The following HELLS variants were observed in gnomAD, a reference collection of about 807,000 sequenced individuals.
HELLS encodes helicase, lymphoid specific.
In HELLS, 32 loss-of-function variants were observed where a neutral mutation model predicts 120.0. The ratio of observed to expected loss-of-function variants is 0.27; its 90% CI spans 0.20 to 0.36. The LOEUF (loss-of-function observed/expected upper bound fraction) is 0.36, where lower values mean the gene tolerates loss of function less well. Among genes scored for constraint, HELLS ranks in the 10% least tolerant of loss-of-function variants. The pLI, the probability that HELLS is intolerant of heterozygous loss-of-function variation, is 1.00. For missense variants in HELLS, 650 were observed against 993.4 expected, an observed-to-expected ratio of 0.65 and a Z score of 4.65; for synonymous variants, 341 against 323.4, an observed-to-expected ratio of 1.05 and a Z score of -0.58.
At chr10:94,578,041 G>T (rs1844600816) in intron 10 of HELLS, among the ~76,000 whole-genome samples, 1 of 144,508 alleles carries the variant, frequency 6.9e-6, no homozygotes, top group East Asian at 2.0e-4. Context: ...CCGCAGTCCG[G>T]CCTGGGCCGA....
rs1397398397 is a variant in HELLS, at chr10:94,596,373, A to G, written c.2249-487A>G. 2.0e-5 allele frequency among the ~76,000 whole-genome samples: 3 copies of G among 152,144 alleles called. No homozygotes were observed. The South Asian group carries it at 6.2e-4, about 31-fold the overall frequency. On this transcript the variant is annotated intron_variant, in intron 19 of 21. Transcript: ENST00000348459. ...TAATTCCTATGCTCCCCTTACCATC[A>G]CTAGGAAGCATCCAGTATTCTGATT...
At chr10:94,555,493 A>T (rs1002479365) in intron 3 of HELLS, among the ~76,000 whole-genome samples, 1 of 152,210 alleles carries the variant, frequency 6.6e-6, no homozygotes, top group South Asian at 2.1e-4. Context: ...GAACTTCTGG[A>T]TAGCTGAACA....
rs565842635 is a variant in HELLS at position 94,594,954 on chromosome 10, G to T, written c.2248+100G>T. 2.3e-4 allele frequency: 201 copies of T among 888,490 alleles called. 2 individuals carry two copies. The South Asian group carries it at 3.4e-3, about 15-fold the overall frequency. The allele number at this position is 888,490 out of a possible 1,614,324, so 55.0% of individuals were successfully genotyped here. A position where few individuals can be genotyped will look rare whatever the true frequency, so the allele number is the denominator to read the frequency against. On this transcript the variant is annotated intron_variant, in intron 19 of 21. Transcript: ENST00000348459. ...TATAAAATATTACAGCCTGGGCCGA[G>T]TTCTGTGTCTCACACCTGTAATCCT...
rs182731400 is a variant in HELLS at position 94,565,563 on chromosome 10, C to G, written c.435+2687C>G. 3.2e-3 allele frequency among the ~76,000 whole-genome samples: 489 copies of G among 151,372 alleles called. 1 individual carries two copies. Among genetic ancestry groups the G allele is most frequent in the Middle Eastern group, 0.024 (7 of 288 alleles). On this transcript the variant is annotated intron_variant, in intron 6 of 21. Transcript: ENST00000348459. ...AATTAGCTGGGCTTGGTGGCACATG[C>G]CTGTAATTCCAGCTACTTGGGCAGG...
At chr10:94,555,275 A>G (rs1843195279) in intron 3 of HELLS, among the ~76,000 whole-genome samples, 1 of 152,102 alleles carries the variant, frequency 6.6e-6, no homozygotes. Context: ...CGTCTCTACC[A>G]AAAATATAAA....
intron 18 of HELLS, among the ~76,000 whole-genome samples, chr10:94,593,958 G>A (rs759761567): frequency 6.8e-5 from 10 of 147,694 alleles, no homozygotes; most frequent in Non-Finnish European, 1.5e-4. Flanking sequence ...ACCACACCCA[G>A]CCTCCATTCT....
intron 10 of HELLS, among the ~76,000 whole-genome samples, chr10:94,579,233 C>A (rs1429905242): frequency 1.5e-5 from 2 of 135,110 alleles, no homozygotes. Flanking sequence ...CAGAGTCTTG[C>A]TCTGTTGCCC....
chr10:94,562,898 C>G, intron 6 of HELLS, 22 bp downstream of exon 6: 1 of 1,428,394 alleles, frequency 7.0e-7, no homozygotes, highest in South Asian at 1.2e-5. Flanking sequence ...AGGGAGAGGG[C>G]ACCTAACATT....
At position 94,576,810 on chromosome 10, in the gene HELLS, A is replaced by G; in HGVS notation, c.1032+5A>G. 6.3e-7 allele frequency: 1 copy of G among 1,594,022 alleles called. No homozygotes were observed. Among genetic ancestry groups the G allele is most frequent in the African/African-American group, 1.3e-5 (1 of 74,082 alleles). On this transcript the variant is annotated splice_donor_5th_base_variant and intron_variant, in intron 10 of 21. Transcript: ENST00000348459. ...AGAGACCGAAATGCGTTACAGGTACAAATGATCTTCATTGGTTTCTTTGTA... is the reference window on the plus strand; with the variant it reads ...AGAGACCGAAATGCGTTACAGGTACGAATGATCTTCATTGGTTTCTTTGTA...
In HELLS at chr10:94,559,304, T is replaced by A. The variant is rs190826570; in HGVS notation, c.333+1109T>A. ...TTGCTGTTAAAATGGCCCCCAACTA[T>A]TGTACCAAAGTGCTGTCTAGTGTTT... On this transcript the variant is annotated intron_variant, in intron 4 of 21. Coordinates refer to ENST00000348459, the MANE Select transcript of HELLS (RefSeq NM_018063.5). Among the ~76,000 whole-genome samples the A allele has an allele frequency of 5.5e-3, 833 of 152,270 alleles. 9 individuals carry two copies. Among genetic ancestry groups the A allele is most frequent in the Middle Eastern group, 0.024 (7 of 294 alleles).
At chr10:94,589,556 C>A (rs1290757270) in intron 13 of HELLS, among the ~76,000 whole-genome samples, 1 of 151,980 alleles carries the variant, frequency 6.6e-6, no homozygotes, top group East Asian at 1.9e-4. Context: ...TGAAGGAGAC[C>A]CTTAAGTTTT....
Position 94,558,119 on chromosome 10 carries a change from A to G in HELLS, c.277-20A>G, listed in dbSNP as rs373528769. On this transcript the variant is annotated intron_variant, in intron 3 of 21. Coordinates refer to ENST00000348459, the MANE Select transcript of HELLS (RefSeq NM_018063.5). ...ATGTTGCACTTTCCACTTGTGACAT[A>G]AGAAAAAATTGTCTTACAGGAACAG... 1.0e-5 allele frequency: 16 copies of G among 1,558,098 alleles called. No individual in the cohort carries two copies. The highest frequency in any genetic ancestry group is 6.8e-5 in the Admixed American group (3 of 43,980).
intron 10 of HELLS, among the ~76,000 whole-genome samples, chr10:94,580,857 T>C (rs1844834009): frequency 1.3e-5 from 2 of 152,208 alleles, no homozygotes. Flanking sequence ...AACAATTTCC[T>C]TGATAACTTT....
intron 10 of HELLS, among the ~76,000 whole-genome samples, chr10:94,579,679 C>T (rs1234081523): frequency 2.0e-5 from 3 of 151,790 alleles, no homozygotes; most frequent in Admixed American, 6.6e-5. Flanking sequence ...GTAGCCGGGA[C>T]TACAGGCGTC....
chr10:94,590,402 T>C lies in HELLS; in HGVS notation c.1489-11T>C, dbSNP rs369935670. On this transcript the variant is annotated splice_polypyrimidine_tract_variant and intron_variant, in intron 13 of 21. Coordinates refer to ENST00000348459, the MANE Select transcript of HELLS (RefSeq NM_018063.5). Reference sequence around the variant, plus strand: ...TATAAACTGAATTTCTTTTAATTCGTTCCCTTTTAGAAAGAAACAATTGAG... The same window carrying C: ...TATAAACTGAATTTCTTTTAATTCGCTCCCTTTTAGAAAGAAACAATTGAG... The C allele has an allele frequency of 1.5e-5, 24 of 1,589,626 alleles. No individual in the cohort carries two copies. The East Asian group carries it at 2.9e-4, about 19-fold the overall frequency.
At chr10:94,585,116 A>G (rs1845057597) in intron 12 of HELLS, among the ~76,000 whole-genome samples, 1 of 151,790 alleles carries the variant, frequency 6.6e-6, no homozygotes. Context: ...AATTTTTTTT[A>G]CTTTCCGTTT....
chr10:94,606,512 A>C (rs533324765), downstream of HELLS, among the ~76,000 whole-genome samples: 1 of 139,370 alleles, frequency 7.2e-6, no homozygotes, highest in Admixed American at 7.1e-5. Flanking sequence ...CAGATAATTT[A>C]AAAAAAAAAA....
Position 94,581,535 on chromosome 10 carries a change from G to A in HELLS, c.1229+13G>A, listed in dbSNP as rs1468789015. On this transcript the variant is annotated intron_variant, in intron 11 of 21. Coordinates refer to ENST00000348459, the MANE Select transcript of HELLS (RefSeq NM_018063.5). Reference sequence around the variant, plus strand: ...ATGACTTGAAAAGGTGGGTAAGCCAGTTATTTAATGATTTAACCTCAAAAA... The same window carrying A: ...ATGACTTGAAAAGGTGGGTAAGCCAATTATTTAATGATTTAACCTCAAAAA... 1.3e-6 allele frequency: 2 copies of A among 1,565,264 alleles called. No homozygotes were observed. The highest frequency in any genetic ancestry group is 1.7e-6 in the Non-Finnish European group (2 of 1,152,216).
At chr10:94,571,116 C>T (rs1483306420) in intron 6 of HELLS, 1 of 264,372 alleles carries the variant, frequency 3.8e-6, no homozygotes, top group Admixed American at 5.6e-5. Flanking sequence ...TGTACTTAAT[C>T]TACTCAGATT....
Sources: allele counts gnomAD v4.1 joint callset (sites outside exome capture counted in the v4.1 genomes callset), GRCh38; gene constraint gnomAD v4.1.1; transcripts MANE v1.5; gene names NCBI Gene and HGNC (gene_info 2026-07-23, HGNC 2026-07-21).